Variants in MACROH2A1 observed in about 807,000 individuals in gnomAD.
MACROH2A1 encodes the protein macroH2A.1 histone.
MACROH2A1 carries 2 observed loss-of-function variants against 31.6 expected under a neutral mutation model. The observed-to-expected ratio is 0.06, with a 90% confidence interval of 0.03 to 0.20. The LOEUF is 0.20. Ranked by LOEUF, MACROH2A1 falls within the 10% of genes least tolerant of loss-of-function variation. The probability of loss-of-function intolerance (pLI) is 1.00; values close to 1 mark genes in which losing one functional copy is unlikely to be tolerated. For missense variants in MACROH2A1, 230 were observed against 474.0 expected (o/e 0.49, Z 4.78); for synonymous variants, 169 against 189.6 (o/e 0.89, Z 0.89).
chr5:135,350,907 C>T lies in MACROH2A1; in HGVS notation c.688+2039G>A, dbSNP rs866946643. On this transcript the variant is annotated intron_variant, in intron 6 of 8. Coordinates refer to ENST00000511689, the MANE Select transcript of MACROH2A1 (RefSeq NM_138610.3). ...ATCGAGGCAATGTCAGCCTGTACAA[C>T]TTGCAACTATAACAGGTAAACAAAT... is the stretch of plus-strand genomic sequence containing the variant. 1.9e-6 allele frequency: 3 copies of T among 1,607,316 alleles called. No homozygotes were observed. The Middle Eastern group carries it at 5.0e-4, about 266-fold the overall frequency.
Position 135,334,987 on chromosome 5 carries a change from C to A in MACROH2A1, c.1108G>T (p.Asp370Tyr). Residue 370 changes from aspartate (D) to tyrosine (Y), a missense_variant, in exon 9 of 9, where the codon GAC (aspartate) becomes TAC (tyrosine). Asp to Tyr is a radical substitution (Grantham distance 160). Coordinates refer to ENST00000511689, the MANE Select transcript of MACROH2A1 (RefSeq NM_138610.3). ...GIYVQEMAKL[D>Y]AN ...TGTCATTGCTCAGCCTAGTTGGCGT[C>A]CAGCTTGGCCATTTCCTGCACATAG... is the stretch of plus-strand genomic sequence containing the variant. 1 of 1,613,764 alleles carries A rather than the reference C, an allele frequency of 6.2e-7. No homozygotes were observed. The highest frequency in any genetic ancestry group is 8.5e-7 in the Non-Finnish European group (1 of 1,179,742).
rs866456541 is a variant in MACROH2A1 at position 135,358,162 on chromosome 5, C to A, written c.588+2335G>T. On this transcript the variant is annotated intron_variant, in intron 5 of 8. Coordinates refer to ENST00000511689, the MANE Select transcript of MACROH2A1 (RefSeq NM_138610.3). ...ATTTTTGCCTTTTTTACACTATATG[C>A]CATGATTTTCACCTGACAGTAATAG... 37 of 984,782 alleles carry A rather than the reference C, an allele frequency of 3.8e-5. No homozygotes were observed. The African/African-American group carries it at 5.6e-4, about 15-fold the overall frequency. The allele number at this position is 984,782 out of a possible 1,614,324, so 61.0% of individuals were successfully genotyped here. A position where few individuals can be genotyped will look rare whatever the true frequency, so the allele number is the denominator to read the frequency against.
rs112096149 is a variant in MACROH2A1 at position 135,358,615 on chromosome 5, C to T, written c.588+1882G>A. 5.3e-3 allele frequency: 5,183 copies of T among 985,010 alleles called. 217 individuals are homozygous for T. The African/African-American group carries it at 0.084, about 16-fold the overall frequency. 61.0% of individuals were successfully genotyped at this position (985,010 alleles called of 1,614,324 possible). A position where few individuals can be genotyped will look rare whatever the true frequency, so the allele number is the denominator to read the frequency against. On this transcript the variant is annotated intron_variant, in intron 5 of 8. Coordinates refer to ENST00000511689, the MANE Select transcript of MACROH2A1 (RefSeq NM_138610.3). ...GCTTAACCATTCCTTTCAAATTTTC[C>T]TTCCAAAAGTCAAGATAAGCACATT...
At position 135,343,021 on chromosome 5, in the gene MACROH2A1, C is replaced by G. The variant is rs529357256; in HGVS notation, c.953+239G>C. 4.6e-6 allele frequency: 4 copies of G among 878,756 alleles called. No individual in the cohort carries two copies. The African/African-American group carries it at 5.1e-5, about 11-fold the overall frequency. 54.4% of individuals were successfully genotyped at this position (878,756 alleles called of 1,614,324 possible). A position where few individuals can be genotyped will look rare whatever the true frequency, so the allele number is the denominator to read the frequency against. The stretch of plus-strand genomic sequence containing the variant: ...TGGTCCCAGTACACACTGGGTTCCC[C>G]TTCTGTGATGACATTTGCTATCAAA... On this transcript the variant is annotated intron_variant, in intron 8 of 8. Coordinates refer to ENST00000511689, the MANE Select transcript of MACROH2A1 (RefSeq NM_138610.3).
intron 2 of MACROH2A1, among the ~76,000 whole-genome samples, chr5:135,374,525 C>A (rs995804805): frequency 3.3e-5 from 5 of 152,220 alleles, no homozygotes; most frequent in African/African-American, 4.8e-5. Context: ...CACATTCCCA[C>A]CAGCAAGGAG....
Position 135,364,157 on chromosome 5 carries a change from G to A in MACROH2A1, c.478-3550C>T, listed in dbSNP as rs562956768. On this transcript the variant is annotated intron_variant, in intron 4 of 8. Transcript: ENST00000511689. ...TCACAAGGACAGAAAACCAAACACC[G>A]CATGTTCTCACTCATAGGTGGGAAT... is the stretch of plus-strand genomic sequence containing the variant. Among the ~76,000 whole-genome samples the A allele has an allele frequency of 7.2e-4, 109 of 152,240 alleles. 1 individual carries two copies. The highest frequency in any genetic ancestry group is 1.2e-3 in the Non-Finnish European group (84 of 68,008).
intron 2 of MACROH2A1, among the ~76,000 whole-genome samples, chr5:135,380,556 C>T (rs994003327): frequency 1.3e-5 from 2 of 152,170 alleles, no homozygotes; most frequent in Non-Finnish European, 2.9e-5. Flanking sequence ...TCCCAGGGAG[C>T]GCAGCCTCAG....
intron 2 of MACROH2A1, among the ~76,000 whole-genome samples, chr5:135,382,755 T>C (rs1449508056): frequency 6.6e-6 from 1 of 152,250 alleles, no homozygotes. Flanking sequence ...CAATGAGGTC[T>C]TTCCCCTCTC....
intron 2 of MACROH2A1, among the ~76,000 whole-genome samples, chr5:135,380,471 C>G (rs73789331): frequency 6.6e-6 from 1 of 152,208 alleles, no homozygotes; most frequent in African/African-American, 2.4e-5. Flanking sequence ...GGTTCTCCAA[C>G]GCCCAGGCCT....
At chr5:135,381,236 G>A (rs1765617513) in intron 2 of MACROH2A1, among the ~76,000 whole-genome samples, 1 of 152,106 alleles carries the variant, frequency 6.6e-6, no homozygotes, top group Admixed American at 6.6e-5. Flanking sequence ...ATAGGTCAAA[G>A]TATAAATGTG....
At chr5:135,375,711 A>C (rs1005241164) in intron 2 of MACROH2A1, among the ~76,000 whole-genome samples, 1 of 152,228 alleles carries the variant, frequency 6.6e-6, no homozygotes, top group Non-Finnish European at 1.5e-5. Flanking sequence ...ACTGAAAATA[A>C]CAACCAGAAA....
intron 1 of MACROH2A1, among the ~76,000 whole-genome samples, chr5:135,397,272 G>A (rs1294522226): frequency 6.6e-6 from 1 of 152,092 alleles, no homozygotes; most frequent in Non-Finnish European, 1.5e-5. Context: ...CCTCAAGTTC[G>A]CCTCTCTCAG....
chr5:135,383,709 GT>G (rs1189468446), intron 2 of MACROH2A1, among the ~76,000 whole-genome samples: 26 of 118,638 alleles, frequency 2.2e-4, no homozygotes, highest in Non-Finnish European at 3.7e-4. Context: ...TGGTGTGTGT[GT>G]GTGTGTGTGT....
At chr5:135,384,951 A>T (rs1766193495) in intron 2 of MACROH2A1, among the ~76,000 whole-genome samples, 1 of 152,220 alleles carries the variant, frequency 6.6e-6, no homozygotes, top group African/African-American at 2.4e-5. Flanking sequence ...AGTGGTCCCC[A>T]GAGCTGGTCA....
At chr5:135,343,811 CCTT>C (rs544003699) in intron 7 of MACROH2A1, 70 of 264,284 alleles carry the variant, frequency 2.6e-4, no homozygotes, top group Non-Finnish European at 4.8e-4. Flanking sequence ...GGTTTCCAAC[CCTT>C]CTTCTTCAAG....
At position 135,360,479 on chromosome 5, in the gene MACROH2A1, G is replaced by C. The variant is rs750797177; in HGVS notation, c.588+18C>G. 1 of 1,504,644 alleles carries C rather than the reference G, an allele frequency of 6.6e-7. No individual in the cohort carries two copies. The highest frequency in any genetic ancestry group is 9.3e-7 in the Non-Finnish European group (1 of 1,080,376). 93.2% of individuals were successfully genotyped at this position (1,504,644 alleles called of 1,614,324 possible). A position where few individuals can be genotyped will look rare whatever the true frequency, so the allele number is the denominator to read the frequency against. On this transcript the variant is annotated intron_variant, in intron 5 of 8. Coordinates refer to ENST00000511689, the MANE Select transcript of MACROH2A1 (RefSeq NM_138610.3). ...CCCTTGGGGCCCTCGAGTAGACTGA[G>C]GCCGCGCATCTGCCTACCTTCTGGC...
chr5:135,335,349 G>A (rs1284046625), intron 8 of MACROH2A1, among the ~76,000 whole-genome samples: 1 of 152,248 alleles, frequency 6.6e-6, no homozygotes, highest in Non-Finnish European at 1.5e-5. Flanking sequence ...CAGAGAGCTG[G>A]CACCTGCAGA....
At chr5:135,370,387 CA>C (rs1355838165) in intron 2 of MACROH2A1, among the ~76,000 whole-genome samples, 5 of 152,174 alleles carry the variant, frequency 3.3e-5, no homozygotes, top group African/African-American at 1.2e-4. Context: ...GAGAAGGGAC[CA>C]GCTGAAGATC....
Position 135,369,656 on chromosome 5 carries a change from C to A in MACROH2A1, c.280-53G>T. On this transcript the variant is annotated intron_variant, in intron 3 of 8. Coordinates refer to ENST00000511689, the MANE Select transcript of MACROH2A1 (RefSeq NM_138610.3). The surrounding 1 kb of genome is among the most constrained non-coding windows in gnomAD (Gnocchi z 4.3). ...GTGAGCCAGATACCCTGCTTCTAAC[C>A]TTCAAGAAGCCAGCCCTGCCCAGGA... 7.1e-7 allele frequency: 1 copy of A among 1,416,180 alleles called. No individual in the cohort carries two copies. The highest frequency in any genetic ancestry group is 1.0e-6 in the Non-Finnish European group (1 of 1,002,476). The allele number at this position is 1,416,180 out of a possible 1,614,324, so 87.7% of individuals were successfully genotyped here.
Sources: gnomAD v4.1 joint callset for allele counts (sites outside exome capture counted in the v4.1 genomes callset) on GRCh38, gnomAD v4.1.1 for gene constraint, Gnocchi (gnomAD v3.1) non-coding constraint, MANE v1.5 for transcripts, NCBI Gene and HGNC (gene_info 2026-07-23, HGNC 2026-07-21) for gene names.